Variants in STAR observed in about 807,000 individuals in gnomAD.
STAR encodes steroidogenic acute regulatory protein, mitochondrial.
STAR carries 32 observed loss-of-function variants against 32.3 expected under a neutral mutation model. That is an observed-to-expected ratio of 0.99 (90% CI 0.75 to 1.33). The LOEUF (loss-of-function observed/expected upper bound fraction) is 1.33. Among genes scored for constraint, STAR ranks in the 40% most tolerant of loss-of-function variants. STAR has a pLI of 0.00. For synonymous variants in STAR, 134 were observed against 140.5 expected, an observed-to-expected ratio of 0.95 and a Z score of 0.33; for missense variants, 375 against 379.0, an observed-to-expected ratio of 0.99 and a Z score of 0.09.
chr8:38,146,540 G>A lies in STAR; in HGVS notation c.307-93C>T, dbSNP rs897019162. On this transcript the variant is annotated intron_variant, in intron 3 of 6. Coordinates refer to ENST00000276449, the MANE Select transcript of STAR (RefSeq NM_000349.3). ...CGCCTATAATCCCAGCACTTTGGGA[G>A]GCCAAGGTGGGTGGATCACAAGGTC... 5 of 1,398,470 alleles carry A rather than the reference G, an allele frequency of 3.6e-6. No individual in the cohort carries two copies. In the Admixed American group the frequency reaches 7.8e-5, roughly 22 times the overall value. 86.6% of individuals were successfully genotyped at this position (1,398,470 alleles called of 1,614,324 possible). A position where few individuals can be genotyped will look rare whatever the true frequency, so the allele number is the denominator to read the frequency against.
At position 38,146,308 on chromosome 8, in the gene STAR, G is replaced by C; in HGVS notation, c.446C>G (p.Pro149Arg). ...ERMEAMGEWN[P>R]NVKEIKVLQK... ...GCTCACCTTGATCTCCTTGACATTG[G>C]GGTTCCACTCCCCCATTGCTTCCAT... Residue 149 changes from proline (P) to arginine (R), a missense_variant, in exon 4 of 7, where the codon CCC becomes CGC. By Grantham distance (103) the Pro-to-Arg change is moderately radical. Transcript: ENST00000276449. 1 of 1,614,000 alleles carries C rather than the reference G, an allele frequency of 6.2e-7. No homozygotes were observed. Among genetic ancestry groups the C allele is most frequent in the African/African-American group, 1.3e-5 (1 of 75,006 alleles).
chr8:38,145,160 TG>T, intron 6 of STAR, 61 bp downstream of exon 6: 1 of 1,612,120 alleles, frequency 6.2e-7, no homozygotes, highest in South Asian at 1.1e-5. Flanking sequence ...ATGGGGGGAA[TG>T]GGAAGAGCCT....
intron 3 of STAR, among the ~76,000 whole-genome samples, 198 bp downstream of exon 3, chr8:38,148,002 C>T (rs1399900347): frequency 6.6e-6 from 1 of 152,240 alleles, no homozygotes. Context: ...TCAAACAGGA[C>T]TCTCCAGGGT....
chr8:38,148,516 T>C (rs879910751), intron 2 of STAR, 125 bp downstream of exon 2: 27 of 1,322,386 alleles, frequency 2.0e-5, no homozygotes, highest in African/African-American at 4.4e-5. Flanking sequence ...TGAGGAACTC[T>C]AGGCTGGGGA....
chr8:38,147,380 AG>A (rs1182066565), intron 3 of STAR, among the ~76,000 whole-genome samples: 1 of 152,156 alleles, frequency 6.6e-6, no homozygotes, highest in Non-Finnish European at 1.5e-5. Context: ...GAAACCTGGG[AG>A]TGGGAAAAGT....
chr8:38,148,277 G>A lies in STAR; in HGVS notation c.229C>T (p.Gln77Ter), dbSNP rs781281145. The A allele has an allele frequency of 6.2e-7, 1 of 1,614,114 alleles. No homozygotes were observed. Among genetic ancestry groups the A allele is most frequent in the East Asian group, 2.2e-5 (1 of 44,878 alleles). Reference sequence around the variant, plus strand: ...TTCTGCATGGCCTCCTCCCCCTGCTGGAGATAGGCCAGCTCCTGGTCACTG... The same window carrying A: ...TTCTGCATGGCCTCCTCCCCCTGCTAGAGATAGGCCAGCTCCTGGTCACTG... ...LYSDQELAYL[Q>*]QGEEAMQKAL... is the part of the protein sequence containing the mutation. The change falls in exon 3 of 7, where the codon CAG (glutamine) becomes TAG (stop). Residue 77 changes from glutamine (Q) to a stop codon, truncating the protein, a stop_gained. Transcript: ENST00000276449. LOFTEE classifies it high-confidence loss of function.
intron 3 of STAR, among the ~76,000 whole-genome samples, chr8:38,147,580 C>A (rs561036026): frequency 6.6e-6 from 1 of 152,232 alleles, no homozygotes; most frequent in East Asian, 1.9e-4. Flanking sequence ...AGTCTGTTAA[C>A]TCCATTACTC....
At chr8:38,148,543 A>T in intron 2 of STAR, 98 bp downstream of exon 2, 1 of 1,370,938 alleles carries the variant, frequency 7.3e-7, no homozygotes, top group Non-Finnish European at 1.0e-6. Context: ...CTCAAAATGA[A>T]GGAATGGCAG....
intron 5 of STAR, 170 bp downstream of exon 5, chr8:38,145,793 A>G (rs925971125): frequency 3.7e-6 from 3 of 817,846 alleles, no homozygotes; most frequent in South Asian, 1.7e-5. Flanking sequence ...AGTAGGGCCT[A>G]TCTTGTCTTT....
At chr8:38,150,307 G>C (rs2130619614) in intron 1 of STAR, among the ~76,000 whole-genome samples, 1 of 152,186 alleles carries the variant, frequency 6.6e-6, no homozygotes, top group African/African-American at 2.4e-5. Context: ...GCTGAGGTGG[G>C]AGGATGGCTT....
At chr8:38,148,957 C>T (rs1802624510) in intron 1 of STAR, 2 of 585,614 alleles carry the variant, frequency 3.4e-6, no homozygotes, top group Admixed American at 5.7e-5. Flanking sequence ...CAGAAATCTG[C>T]CTTCCATCTG....
chr8:38,147,304 G>A (rs891321930), intron 3 of STAR, among the ~76,000 whole-genome samples: 2 of 152,132 alleles, frequency 1.3e-5, no homozygotes, highest in African/African-American at 4.8e-5. Flanking sequence ...GTGAATGATG[G>A]TGGTATGGGT....
In STAR at chr8:38,148,193, CACTT is replaced by C. The variant is rs1295638022; in HGVS notation, c.306+3_306+6del. On this transcript the variant is annotated splice_donor_5th_base_variant and intron_variant, in intron 3 of 6. Transcript: ENST00000276449. ...GGAGGAACCACAGGCTTCTCCCCGACACTTACCTGCTGACTCTCCTTCTTCCAGC... is the reference window on the plus strand; with the variant it reads ...GGAGGAACCACAGGCTTCTCCCCGACACCTGCTGACTCTCCTTCTTCCAGC... 6.2e-7 allele frequency: 1 copy of C among 1,613,910 alleles called. No individual in the cohort carries two copies. The highest frequency in any genetic ancestry group is 8.5e-7 in the Non-Finnish European group (1 of 1,179,980).
chr8:38,150,253 G>T (rs1343667316), intron 1 of STAR, among the ~76,000 whole-genome samples: 1 of 152,002 alleles, frequency 6.6e-6, no homozygotes, highest in Non-Finnish European at 1.5e-5. Flanking sequence ...AATAAAACTA[G>T]CTGGTTGTGG....
rs1214157180 is a variant in STAR at position 38,146,554 on chromosome 8, G to GATC, written c.307-110_307-108dup. 42 of 1,274,696 alleles carry GATC rather than the reference G, an allele frequency of 3.3e-5. No homozygotes were observed. The African/African-American group carries it at 4.3e-4, about 13-fold the overall frequency. 79.0% of individuals were successfully genotyped at this position (1,274,696 alleles called of 1,614,324 possible). On this transcript the variant is annotated intron_variant, in intron 3 of 6. Transcript: ENST00000276449. The stretch of plus-strand genomic sequence containing the variant: ...GCACTTTGGGAGGCCAAGGTGGGTG[G>GATC]ATCACAAGGTCAGGAGTTCGAGACC...
At chr8:38,146,172 T>C (rs765798914) in intron 4 of STAR, 25 bp from the exon 5 acceptor site, 15 of 1,613,774 alleles carry the variant, frequency 9.3e-6, no homozygotes, top group African/African-American at 1.3e-5. Flanking sequence ...GGAACCAGAA[T>C]CACGACTCAG....
chr8:38,150,708 G>A (rs754471061), intron 1 of STAR, 47 bp downstream of exon 1: 24 of 1,602,930 alleles, frequency 1.5e-5, no homozygotes, highest in Non-Finnish European at 2.0e-5. Flanking sequence ...AGCCTCATCC[G>A]CTGAGAGCTG....
chr8:38,144,683 T>G, intron 6 of STAR: 1 of 1,204,772 alleles, frequency 8.3e-7, no homozygotes, highest in Non-Finnish European at 1.1e-6. Context: ...TTTCCTTCTT[T>G]CTAAAATGAT....
chr8:38,146,417 C>T lies in STAR; in HGVS notation c.337G>A (p.Val113Ile). 6.2e-7 allele frequency: 1 copy of T among 1,614,122 alleles called. No individual in the cohort carries two copies. Among genetic ancestry groups the T allele is most frequent in the Non-Finnish European group, 8.5e-7 (1 of 1,180,048 alleles). Residue 113 changes from valine (V) to isoleucine (I), a missense_variant, in exon 4 of 7, where the codon GTC becomes ATC. Transcript: ENST00000276449. ...DNGDKVMSKV[V>I]PDVGKVFRLE... Reference sequence around the variant, plus strand: ...CGGAACACCTTGCCCACATCTGGGACCACTTTACTCATCACTTTGTCCCCA... The same window carrying T: ...CGGAACACCTTGCCCACATCTGGGATCACTTTACTCATCACTTTGTCCCCA...
Sources: gnomAD v4.1 joint callset for allele counts (sites outside exome capture counted in the v4.1 genomes callset) on GRCh38, gnomAD v4.1.1 for gene constraint, MANE v1.5 for transcripts, NCBI Gene and HGNC (gene_info 2026-07-23, HGNC 2026-07-21) for gene names.